VPS13C: variants seen among roughly 807,000 people sequenced by gnomAD.
The protein encoded by VPS13C is vacuolar protein sorting 13 homolog C.
A neutral mutation model predicts 456.8 loss-of-function variants in VPS13C; 358 were observed. That is an observed-to-expected ratio of 0.78 (90% CI 0.72 to 0.86). The LOEUF (loss-of-function observed/expected upper bound fraction) is 0.86. Among genes scored for constraint, VPS13C ranks in the 40% least tolerant of loss-of-function variants. VPS13C has a pLI of 0.00. For missense variants in VPS13C, 4,818 were observed against 4,385.4 expected (o/e 1.10, Z -2.79); for synonymous variants, 1,578 against 1,486.7 (o/e 1.06, Z -1.41).
intron 28 of VPS13C, among the ~76,000 whole-genome samples, chr15:61,968,640 G>A (rs2045453411): frequency 1.3e-5 from 2 of 152,016 alleles, no homozygotes; most frequent in Admixed American, 1.3e-4. Flanking sequence ...TAAACAATCA[G>A]AGTTTCTGAA....
intron 14 of VPS13C, among the ~76,000 whole-genome samples, chr15:62,007,818 G>C (rs899825901): frequency 3.3e-5 from 5 of 152,138 alleles, no homozygotes; most frequent in Admixed American, 1.3e-4. Flanking sequence ...GTTAAGTTAA[G>C]AATTTGGGAA....
At chr15:61,955,404 C>A (rs1334136100) in intron 37 of VPS13C, among the ~76,000 whole-genome samples, 1 of 152,192 alleles carries the variant, frequency 6.6e-6, no homozygotes, top group African/African-American at 2.4e-5. Flanking sequence ...CACTGTCCCT[C>A]AATATCATTA....
At chr15:62,051,273 G>T (rs558915239) in intron 1 of VPS13C, among the ~76,000 whole-genome samples, 4 of 152,248 alleles carry the variant, frequency 2.6e-5, no homozygotes, top group African/African-American at 9.6e-5. Flanking sequence ...ACTTCAGAAT[G>T]CATATTGTAC....
chr15:61,985,103 A>G lies in VPS13C; in HGVS notation c.1579-104T>C. The G allele has an allele frequency of 3.2e-6, 3 of 940,018 alleles. No individual in the cohort carries two copies. The South Asian group carries it at 1.1e-4, about 34-fold the overall frequency. 58.2% of individuals were successfully genotyped at this position (940,018 alleles called of 1,614,324 possible). A position where few individuals can be genotyped will look rare whatever the true frequency, so the allele number is the denominator to read the frequency against. ...GCTGAATTATAAAGCAACCTAACAA[A>G]TACAGCATGGCAGGTTCTGGCATCC... On this transcript the variant is annotated intron_variant, in intron 18 of 84. Coordinates refer to ENST00000644861, the MANE Select transcript of VPS13C (RefSeq NM_020821.3).
intron 5 of VPS13C, among the ~76,000 whole-genome samples, chr15:62,031,087 G>A (rs1365975981): frequency 6.6e-6 from 1 of 151,972 alleles, no homozygotes; most frequent in Admixed American, 6.6e-5. Flanking sequence ...ACATCAAAGA[G>A]TTTATTTTTA....
chr15:61,865,253 C>G, intron 81 of VPS13C: 1 of 983,752 alleles, frequency 1.0e-6, no homozygotes, highest in Non-Finnish European at 1.2e-6. Context: ...AAAAAGCAAA[C>G]AAGATATAAA....
chr15:62,000,175 A>C (rs1297788182), intron 16 of VPS13C, among the ~76,000 whole-genome samples: 2 of 152,142 alleles, frequency 1.3e-5, no homozygotes, highest in African/African-American at 4.8e-5. Context: ...CAGGCTGGCC[A>C]ACATGGCAAC....
intron 66 of VPS13C, among the ~76,000 whole-genome samples, chr15:61,895,466 AAAGAG>A (rs1376422728): frequency 2.0e-5 from 3 of 152,184 alleles, no homozygotes; most frequent in African/African-American, 2.4e-5. Flanking sequence ...GACTACAAAA[AAAGAG>A]AAGACCTCAA....
At chr15:62,010,934 G>C (rs1252646796) in intron 12 of VPS13C, among the ~76,000 whole-genome samples, 1 of 151,898 alleles carries the variant, frequency 6.6e-6, no homozygotes, top group African/African-American at 2.4e-5. Context: ...TTTAATGATT[G>C]TATTATTCAT....
rs182070104 is a variant in VPS13C at position 61,950,619 on chromosome 15, C to T, written c.4537-202G>A. 8.7e-5 allele frequency among the ~76,000 whole-genome samples: 13 copies of T among 149,376 alleles called. No individual in the cohort carries two copies. In the East Asian group the frequency reaches 2.5e-3, roughly 29 times the overall value. ...TTCTTACATTCCATACAAGCAAAAA[C>T]TCTAATTCCTTATCCTACTGTGGAG... is the stretch of plus-strand genomic sequence containing the variant. On this transcript the variant is annotated intron_variant, in intron 40 of 84. Coordinates refer to ENST00000644861, the MANE Select transcript of VPS13C (RefSeq NM_020821.3).
At chr15:61,981,566 G>C in intron 21 of VPS13C, 88 bp from the exon 22 acceptor site, 14 of 1,377,672 alleles carry the variant, frequency 1.0e-5, no homozygotes, top group Non-Finnish European at 1.3e-5. Flanking sequence ...AGTTTTACTT[G>C]AAAAGTATTA....
intron 1 of VPS13C, among the ~76,000 whole-genome samples, chr15:62,046,973 T>C (rs1361422957): frequency 6.6e-6 from 1 of 152,140 alleles, no homozygotes; most frequent in Non-Finnish European, 1.5e-5. Flanking sequence ...GTTTTTATAA[T>C]AATTAGATTT....
At chr15:61,999,907 A>C (rs2046545962) in intron 16 of VPS13C, among the ~76,000 whole-genome samples, 1 of 130,566 alleles carries the variant, frequency 7.7e-6, no homozygotes, top group Middle Eastern at 3.9e-3. Context: ...GAAAAAGTAA[A>C]AAAAAAAAAA....
chr15:61,911,908 C>T lies in VPS13C; in HGVS notation c.8647G>A (p.Glu2883Lys). The T allele has an allele frequency of 6.2e-7, 1 of 1,612,736 alleles. No homozygotes were observed. Among genetic ancestry groups the T allele is most frequent in the Non-Finnish European group, 8.5e-7 (1 of 1,179,324 alleles). The change falls in exon 63 of 85, where the codon GAA (glutamate) becomes AAA (lysine). Residue 2883 changes from glutamate to lysine, a missense_variant. By Grantham distance (56) the Glu-to-Lys change is moderately conservative. Transcript: ENST00000644861. ...CCATCAGATGCAATCTCGCCAACTT[C>T]TAGTTCTAATGATGACTTGTTTGCA... ...TIANKSSLELEVGEIASDGSM... is the reference protein window; with the variant it reads ...TIANKSSLELKVGEIASDGSM...
chr15:62,057,722 G>C (rs1202062791), intron 1 of VPS13C, among the ~76,000 whole-genome samples: 1 of 151,938 alleles, frequency 6.6e-6, no homozygotes, highest in African/African-American at 2.4e-5. Context: ...ATGAAAGAAA[G>C]TCTCCTTTTC....
At chr15:61,919,254 C>A in intron 58 of VPS13C, 35 bp downstream of exon 58, 2 of 1,561,250 alleles carry the variant, frequency 1.3e-6, no homozygotes, top group Non-Finnish European at 1.7e-6. Flanking sequence ...TTTCTTGGTA[C>A]ACTGAAAGGG....
At position 61,941,839 on chromosome 15, in the gene VPS13C, C is replaced by A. The variant is rs761417369; in HGVS notation, c.5377G>T (p.Val1793Phe). Reference protein sequence around the residue: ...LIRVENKFSLVPMEHYSLPPV... With the variant: ...LIRVENKFSLFPMEHYSLPPV... ...GGAAGAGAATAATGTTCCATAGGAA[C>A]CAAGCTAAACTTGTTTTCAACTCTG... The change falls in exon 46 of 85, where the codon GTT becomes TTT. Residue 1793 changes from valine (V) to phenylalanine (F), a missense_variant. Transcript: ENST00000644861. 10 of 1,613,724 alleles carry A rather than the reference C, an allele frequency of 6.2e-6. No individual in the cohort carries two copies. In the Admixed American group the frequency reaches 1.2e-4, roughly 19 times the overall value.
chr15:61,869,392 T>C (rs1894845570), intron 80 of VPS13C, 108 bp downstream of exon 80: 7 of 1,255,500 alleles, frequency 5.6e-6, no homozygotes, highest in African/African-American at 3.0e-5. Context: ...AGCTTTCAAT[T>C]AGACTTTAAG....
At chr15:62,057,198 TCAA>T (rs1306042806) in intron 1 of VPS13C, among the ~76,000 whole-genome samples, 4 of 152,164 alleles carry the variant, frequency 2.6e-5, no homozygotes, top group South Asian at 2.1e-4. Flanking sequence ...ACTTGAAAAT[TCAA>T]CAACAACAAC....
Sources: allele counts gnomAD v4.1 joint callset (sites outside exome capture counted in the v4.1 genomes callset), GRCh38; gene constraint gnomAD v4.1.1; transcripts MANE v1.5; gene names NCBI Gene and HGNC (gene_info 2026-07-23, HGNC 2026-07-21).